ARHGEF39: variants seen among roughly 807,000 people sequenced by gnomAD.
ARHGEF39 encodes the protein Rho guanine nucleotide exchange factor 39.
Under a neutral mutation model 47.5 loss-of-function variants are expected in ARHGEF39, and 45 were observed. The ratio of observed to expected loss-of-function variants is 0.95; its 90% confidence interval spans 0.75 to 1.22. ARHGEF39 has a LOEUF of 1.22. ARHGEF39 is among the 50% of genes most tolerant of loss of function. The pLI is 0.00. For missense variants in ARHGEF39, 411 were observed against 425.3 expected (o/e 0.97, Z 0.30); for synonymous variants, 164 against 167.8 (o/e 0.98, Z 0.17).
At chr9:35,663,104 A>G (rs370345725) in intron 5 of ARHGEF39, 30 bp from the exon 6 acceptor site, 1 of 1,609,232 alleles carries the variant, frequency 6.2e-7, no homozygotes, top group Admixed American at 1.7e-5. Context: ...CTTACTCCCC[A>G]TACAACTTTG....
Position 35,660,643 on chromosome 9 carries a change from G to C in ARHGEF39, c.*1344C>G. The C allele has an allele frequency of 6.2e-7, 1 of 1,614,158 alleles. No individual in the cohort carries two copies. The highest frequency in any genetic ancestry group is 8.5e-7 in the Non-Finnish European group (1 of 1,180,018). On this transcript the variant is annotated 3_prime_UTR_variant, in exon 9 of 9. Transcript: ENST00000378387. ...GATGGCCCAGCTGGACCCCCTTTTT[G>C]AGCGGTGAGGAGAGCAATGATTCTG...
At chr9:35,662,779 A>T (rs749077128) in intron 6 of ARHGEF39, 38 bp from the exon 7 acceptor site, 3 of 1,536,890 alleles carry the variant, frequency 2.0e-6, no homozygotes, top group Admixed American at 2.0e-5. Flanking sequence ...GTGCAGCTTC[A>T]AGATACATGG....
chr9:35,663,158 C>G, intron 5 of ARHGEF39, 84 bp from the exon 6 acceptor site: 1 of 1,602,448 alleles, frequency 6.2e-7, no homozygotes, highest in Non-Finnish European at 8.5e-7. Context: ...CTGGAAGGGA[C>G]CAGGGTCAGG....
Position 35,664,487 on chromosome 9 carries a change from A to G in ARHGEF39, c.239T>C (p.Leu80Pro), listed in dbSNP as rs1027117564. 4.4e-6 allele frequency: 7 copies of G among 1,600,438 alleles called. No individual in the cohort carries two copies. The highest frequency in any genetic ancestry group is 5.1e-6 in the Non-Finnish European group (6 of 1,173,356). ...WELIYGASQE[L>P]LPYLEGGCWG... ...GCATCCTCCTTCCAGGTAGGGAAGC[A>G]GCTCCCTGTGTGGGCAAGGACAGCA... Residue 80 changes from leucine (L) to proline (P), a missense_variant, in exon 3 of 9, where the codon CTG becomes CCG. Coordinates refer to ENST00000378387, the MANE Select transcript of ARHGEF39 (RefSeq NM_032818.3).
rs370793951 is a variant in ARHGEF39 at position 35,663,118 on chromosome 9, T to C, written c.545-44A>G. 9.6e-5 allele frequency: 154 copies of C among 1,607,556 alleles called. 2 individuals carry two copies. The highest frequency in any genetic ancestry group is 1.3e-4 in the Non-Finnish European group (151 of 1,175,268). ...CCTTACTCCCCATACAACTTTGACT[T>C]TGGGTGCCATGGTTGTGAAAGAGGT... On this transcript the variant is annotated intron_variant, in intron 5 of 8. Transcript: ENST00000378387.
At position 35,660,464 on chromosome 9, in the gene ARHGEF39, G is replaced by A. The variant is rs1263203950; in HGVS notation, c.*1523C>T. 5.0e-6 allele frequency: 8 copies of A among 1,613,198 alleles called. No individual in the cohort carries two copies. Among genetic ancestry groups the A allele is most frequent in the Non-Finnish European group, 6.8e-6 (8 of 1,179,606 alleles). On this transcript the variant is annotated 3_prime_UTR_variant, in exon 9 of 9. Coordinates refer to ENST00000378387, the MANE Select transcript of ARHGEF39 (RefSeq NM_032818.3). ...CAAGCAGCAGCCACTGCAGTCAGGT[G>A]GGTTTAGCAGAAGTCTGTGCTGGGT...
At position 35,663,094 on chromosome 9, in the gene ARHGEF39, C is replaced by CAT. The variant is rs1353495182; in HGVS notation, c.545-21_545-20insAT. Reference sequence around the variant, plus strand: ...CAGCCCCTGGAATAACATCTCCCACCTTACTCCCCATACAACTTTGACTTT... The same window carrying CAT: ...CAGCCCCTGGAATAACATCTCCCACCATTTACTCCCCATACAACTTTGACTTT... On this transcript the variant is annotated intron_variant, in intron 5 of 8. Transcript: ENST00000378387. 2.5e-6 allele frequency: 4 copies of CAT among 1,611,162 alleles called. No individual in the cohort carries two copies. The highest frequency in any genetic ancestry group is 3.4e-6 in the Non-Finnish European group (4 of 1,177,930).
chr9:35,663,242 G>A, intron 5 of ARHGEF39, 80 bp downstream of exon 5: 1 of 1,567,860 alleles, frequency 6.4e-7, no homozygotes. Context: ...GGTCATACCA[G>A]ACATTGTTGG....
At position 35,662,707 on chromosome 9, in the gene ARHGEF39, C is replaced by T; in HGVS notation, c.708G>A (p.Val236=). The T allele has an allele frequency of 6.4e-7, 1 of 1,570,684 alleles. No individual in the cohort carries two copies. ...GCCGAGGCTCCCCATGGGGAGGCACCACTAACAGCCAGCCCTGGCGTAGGA... is the reference window on the plus strand; with the variant it reads ...GCCGAGGCTCCCCATGGGGAGGCACTACTAACAGCCAGCCCTGGCGTAGGA... ...RWFLRQGWLL[V]VPPHGEPRPR... The change falls in exon 7 of 9, where the codon GTG becomes GTA. Residue 236 remains valine, a synonymous_variant. Coordinates refer to ENST00000378387, the MANE Select transcript of ARHGEF39 (RefSeq NM_032818.3).
In ARHGEF39 at chr9:35,662,185, G is replaced by C. The variant is rs570847750; in HGVS notation, c.986C>G (p.Ala329Gly). The C allele has an allele frequency of 1.2e-6, 2 of 1,614,092 alleles. No individual in the cohort carries two copies. The highest frequency in any genetic ancestry group is 2.7e-5 in the African/African-American group (2 of 75,042). Reference protein sequence around the residue: ...LSRWYHSLTWAISSQKN With the variant: ...LSRWYHSLTWGISSQKN ...GGGGGAAGACACAACTTACCTGATAGCCCAAGTCAGACTGTGGTACCAGCG... is the reference window on the plus strand; with the variant it reads ...GGGGGAAGACACAACTTACCTGATACCCCAAGTCAGACTGTGGTACCAGCG... Residue 329 changes from alanine to glycine, a missense_variant, in exon 8 of 9, where the codon GCT (alanine) becomes GGT (glycine). Transcript: ENST00000378387.
rs1290547717 is a variant in ARHGEF39, at chr9:35,660,664, T to C, written c.*1323A>G. 1 of 1,613,930 alleles carries C rather than the reference T, an allele frequency of 6.2e-7. No homozygotes were observed. Among genetic ancestry groups the C allele is most frequent in the East Asian group, 2.2e-5 (1 of 44,898 alleles). On this transcript the variant is annotated 3_prime_UTR_variant, in exon 9 of 9. Transcript: ENST00000378387. ...TTTTGAGCGGTGAGGAGAGCAATGA[T>C]TCTGTGAATTTTTGGGGAATTTGTG...
Position 35,661,556 on chromosome 9 carries a change from G to A in ARHGEF39, c.*431C>T, listed in dbSNP as rs986875444. The A allele has an allele frequency of 1.8e-5, 8 of 444,770 alleles. No individual in the cohort carries two copies. Among genetic ancestry groups the A allele is most frequent in the African/African-American group, 1.2e-4 (6 of 49,256 alleles). The allele number at this position is 444,770 out of a possible 1,614,324, so 27.6% of individuals were successfully genotyped here. On this transcript the variant is annotated 3_prime_UTR_variant, in exon 9 of 9. Transcript: ENST00000378387. ...GCAGCCTTGATAAATGACGGGCCAT[G>A]GACACAGCACAGAGCTTATCAGTCC...
chr9:35,663,299 G>A lies in ARHGEF39; in HGVS notation c.544+23C>T, dbSNP rs374853788. The stretch of plus-strand genomic sequence containing the variant: ...ACAGGAGAGGAAGCCTCCAGCCTGC[G>A]TTGCCGAGGAGCAAGAACCTACGTG... On this transcript the variant is annotated intron_variant, in intron 5 of 8. Transcript: ENST00000378387. 95 of 1,613,152 alleles carry A rather than the reference G, an allele frequency of 5.9e-5. 2 individuals are homozygous for A. The African/African-American group carries it at 7.3e-4, about 12-fold the overall frequency.
Position 35,662,944 on chromosome 9 carries a change from A to G in ARHGEF39, c.673+2T>C, listed in dbSNP as rs1563916026. On this transcript the variant is annotated splice_donor_variant, in intron 6 of 8. Coordinates refer to ENST00000378387, the MANE Select transcript of ARHGEF39 (RefSeq NM_032818.3). LOFTEE classifies it high-confidence loss of function. ...GGATTGAAGGGGAAGTAGGCAAGCT[A>G]CCTGAGGTCAGCCCCTTTGCCTGGC... 1.2e-6 allele frequency: 2 copies of G among 1,602,532 alleles called. No individual in the cohort carries two copies. Among genetic ancestry groups the G allele is most frequent in the Admixed American group, 3.3e-5 (2 of 59,784 alleles).
intron 4 of ARHGEF39, 38 bp downstream of exon 4, chr9:35,663,970 T>C (rs1824105344): frequency 1.3e-6 from 2 of 1,593,602 alleles, no homozygotes; most frequent in Non-Finnish European, 1.7e-6. Flanking sequence ...TCATACAAAC[T>C]AAAAGAGAGA....
intron 7 of ARHGEF39, 46 bp downstream of exon 7, chr9:35,662,466 G>A (rs1824005016): frequency 6.4e-7 from 1 of 1,561,642 alleles, no homozygotes; most frequent in African/African-American, 1.4e-5. Flanking sequence ...CAGCCCATAA[G>A]CATCTGAGAC....
Position 35,661,043 on chromosome 9 carries a change from A to T in ARHGEF39, c.*944T>A. On this transcript the variant is annotated 3_prime_UTR_variant, in exon 9 of 9. Transcript: ENST00000378387. ...AGCCCACAAACTGGAGCACAGAGAC[A>T]TGGAACCTAGCTACTTCCTGGGAGG... The T allele has an allele frequency of 6.2e-7, 1 of 1,614,200 alleles. No individual in the cohort carries two copies. Among genetic ancestry groups the T allele is most frequent in the Non-Finnish European group, 8.5e-7 (1 of 1,180,034 alleles).
At chr9:35,664,194 C>A (rs1824119762) in intron 3 of ARHGEF39, 68 bp from the exon 4 acceptor site, 1 of 1,545,626 alleles carries the variant, frequency 6.5e-7, no homozygotes. Flanking sequence ...TCATCTGTAT[C>A]CACATTCCCA....
rs769798574 is a variant in ARHGEF39 at position 35,661,178 on chromosome 9, G to A, written c.*809C>T. 1 of 1,596,018 alleles carries A rather than the reference G, an allele frequency of 6.3e-7. No individual in the cohort carries two copies. Among genetic ancestry groups the A allele is most frequent in the East Asian group, 2.2e-5 (1 of 44,680 alleles). ...CTGAAGGTCGACTAAAACAAAGTCT[G>A]TTTTCATGATGGAGTGCTCCTGTGT... On this transcript the variant is annotated 3_prime_UTR_variant, in exon 9 of 9. Coordinates refer to ENST00000378387, the MANE Select transcript of ARHGEF39 (RefSeq NM_032818.3).
Sources: gnomAD v4.1 joint callset for allele counts on GRCh38, gnomAD v4.1.1 for gene constraint, MANE v1.5 for transcripts, NCBI Gene and HGNC (gene_info 2026-07-23, HGNC 2026-07-21) for gene names.